HS3ST5: variants seen among roughly 807,000 people sequenced by gnomAD.
HS3ST5 encodes heparan sulfate glucosamine 3-O-sulfotransferase 5.
In HS3ST5, 10 loss-of-function variants were observed where a neutral mutation model predicts 25.4. The ratio of observed to expected loss-of-function variants is 0.39; its 90% CI spans 0.24 to 0.67. The LOEUF (loss-of-function observed/expected upper bound fraction) is 0.67, where lower values mean the gene tolerates loss of function less well. HS3ST5 is among the 30% of genes least tolerant of loss of function. The probability of loss-of-function intolerance (pLI) is 0.44; values close to 1 mark genes in which losing one functional copy is unlikely to be tolerated. For missense variants in HS3ST5, 324 were observed against 420.7 expected, an observed-to-expected ratio of 0.77 and a Z score of 2.01; for synonymous variants, 170 against 162.4, an observed-to-expected ratio of 1.05 and a Z score of -0.36.
At chr6:114,265,550 G>C (rs1261507289) in intron 1 of HS3ST5, among the ~76,000 whole-genome samples, 1 of 152,154 alleles carries the variant, frequency 6.6e-6, no homozygotes, top group African/African-American at 2.4e-5. Flanking sequence ...TCAAAGAAAG[G>C]CTGTGTTGCA....
intron 3 of HS3ST5, among the ~76,000 whole-genome samples, chr6:114,095,287 C>T (rs998147474): frequency 1.3e-5 from 2 of 152,204 alleles, no homozygotes; most frequent in Admixed American, 1.3e-4. Flanking sequence ...TGGCCTTCTT[C>T]CTGTCCCTTA....
chr6:114,228,003 A>G (rs1771385729), intron 2 of HS3ST5, among the ~76,000 whole-genome samples: 1 of 152,110 alleles, frequency 6.6e-6, no homozygotes, highest in Admixed American at 6.6e-5. Flanking sequence ...CTGTAACAAA[A>G]TTACCCCTTC....
intron 1 of HS3ST5, among the ~76,000 whole-genome samples, chr6:114,229,384 G>C (rs1298428532): frequency 6.6e-6 from 1 of 152,154 alleles, no homozygotes; most frequent in Non-Finnish European, 1.5e-5. Flanking sequence ...TTTAAAATTG[G>C]TAATCAACCA....
chr6:114,069,707 A>T (rs1773685984), intron 3 of HS3ST5, among the ~76,000 whole-genome samples: 1 of 151,826 alleles, frequency 6.6e-6, no homozygotes, highest in Non-Finnish European at 1.5e-5. Context: ...ATTTTAGTAG[A>T]GATGGTGTTT....
At chr6:114,334,417 T>C (rs1423206988) in intron 1 of HS3ST5, among the ~76,000 whole-genome samples, 1 of 152,198 alleles carries the variant, frequency 6.6e-6, no homozygotes. Flanking sequence ...GATGAGGACA[T>C]TCCATTTGCA....
At chr6:114,213,391 C>A (rs934454604) in intron 2 of HS3ST5, among the ~76,000 whole-genome samples, 1 of 151,686 alleles carries the variant, frequency 6.6e-6, no homozygotes, top group Non-Finnish European at 1.5e-5. Context: ...GAAAGGGCAA[C>A]ATTGGGCAGG....
At chr6:114,239,438 CT>C in intron 1 of HS3ST5, among the ~76,000 whole-genome samples, 1 of 152,266 alleles carries the variant, frequency 6.6e-6, no homozygotes, top group South Asian at 2.1e-4. Context: ...GGCCCTGCCC[CT>C]AATCTTGAAA....
At chr6:114,288,022 C>T (rs572675672) in intron 1 of HS3ST5, among the ~76,000 whole-genome samples, 12 of 151,930 alleles carry the variant, frequency 7.9e-5, no homozygotes, top group African/African-American at 7.3e-5. Flanking sequence ...CTCGCATATA[C>T]GCTAAAAGTG....
chr6:114,168,514 G>C (rs1189935056), intron 2 of HS3ST5, 52 bp from the exon 3 acceptor site: 1 of 152,196 alleles, frequency 6.6e-6, no homozygotes, highest in Admixed American at 6.6e-5. Context: ...CTTTTTGTTT[G>C]TTTGTTTTTG....
chr6:114,132,548 C>A (rs1228007855), intron 3 of HS3ST5, among the ~76,000 whole-genome samples: 1 of 152,148 alleles, frequency 6.6e-6, no homozygotes, highest in Non-Finnish European at 1.5e-5. Context: ...TAGCATTTTC[C>A]GTACTGTTTA....
intron 3 of HS3ST5, among the ~76,000 whole-genome samples, chr6:114,149,845 T>G (rs1247230109): frequency 6.6e-6 from 1 of 152,202 alleles, no homozygotes; most frequent in Non-Finnish European, 1.5e-5. Context: ...ATACAAAAGT[T>G]TAGTTTTTAT....
At chr6:114,234,532 A>G (rs1433375157) in intron 1 of HS3ST5, among the ~76,000 whole-genome samples, 1 of 151,786 alleles carries the variant, frequency 6.6e-6, no homozygotes, top group Non-Finnish European at 1.5e-5. Flanking sequence ...AGTGTCAGTC[A>G]TGATTTCATT....
At chr6:114,179,659 T>G (rs1418810498) in intron 2 of HS3ST5, among the ~76,000 whole-genome samples, 3 of 150,478 alleles carry the variant, frequency 2.0e-5, no homozygotes, top group Admixed American at 1.3e-4. Flanking sequence ...TCAGGGTTTT[T>G]TTTTTTTTTT....
intron 2 of HS3ST5, among the ~76,000 whole-genome samples, chr6:114,218,760 C>T (rs1781889463): frequency 6.6e-6 from 1 of 152,142 alleles, no homozygotes; most frequent in Non-Finnish European, 1.5e-5. Flanking sequence ...TGTCCAAAGT[C>T]TAAATCATTA....
At chr6:114,124,132 A>G (rs1776923358) in intron 3 of HS3ST5, among the ~76,000 whole-genome samples, 2 of 151,972 alleles carry the variant, frequency 1.3e-5, no homozygotes, top group Non-Finnish European at 2.9e-5. Flanking sequence ...GATTTTTCCC[A>G]TTGCAGTCCC....
At chr6:114,139,207 T>C (rs1486950025) in intron 3 of HS3ST5, among the ~76,000 whole-genome samples, 1 of 152,260 alleles carries the variant, frequency 6.6e-6, no homozygotes, top group African/African-American at 2.4e-5. Context: ...GAGTGTTTGG[T>C]TTCCAGCTAA....
intron 1 of HS3ST5, among the ~76,000 whole-genome samples, chr6:114,293,710 A>C (rs902028368): frequency 2.0e-5 from 3 of 152,212 alleles, no homozygotes; most frequent in Non-Finnish European, 4.4e-5. Flanking sequence ...CTGTATGAAA[A>C]GCTGACAGAT....
At chr6:114,168,185 A>G (rs2114997637) in intron 3 of HS3ST5, among the ~76,000 whole-genome samples, 166 bp downstream of exon 3, 1 of 152,172 alleles carries the variant, frequency 6.6e-6, no homozygotes, top group East Asian at 1.9e-4. Context: ...GTGATTTTGT[A>G]CAGTGTTTTA....
intron 1 of HS3ST5, among the ~76,000 whole-genome samples, chr6:114,287,552 T>C (rs1582789442): frequency 6.6e-6 from 1 of 152,214 alleles, no homozygotes; most frequent in African/African-American, 2.4e-5. Flanking sequence ...CCATGTAACA[T>C]ATTACAAATA....
Sources: allele counts gnomAD v4.1 joint callset (sites outside exome capture counted in the v4.1 genomes callset), GRCh38; gene constraint gnomAD v4.1.1; transcripts MANE v1.5; gene names NCBI Gene and HGNC (gene_info 2026-07-23, HGNC 2026-07-21).